The following TBC1D1 variants were observed in gnomAD, a reference collection of about 807,000 sequenced individuals.
TBC1D1 encodes TBC1 domain family member 1.
Under a neutral mutation model 125.6 loss-of-function variants are expected in TBC1D1, and 89 were observed. That is an observed-to-expected ratio of 0.71 (90% confidence interval 0.60 to 0.85). TBC1D1 has a LOEUF of 0.85. Among genes scored for constraint, TBC1D1 ranks in the 40% least tolerant of loss-of-function variants. TBC1D1 has a pLI of 0.00. For missense variants in TBC1D1, 1,377 were observed against 1,469.2 expected (o/e 0.94, Z 1.03); for synonymous variants, 565 against 564.1 (o/e 1.00, Z -0.02).
chr4:37,914,302 G>A (rs1719247395), intron 2 of TBC1D1, among the ~76,000 whole-genome samples: 1 of 152,150 alleles, frequency 6.6e-6, no homozygotes. Flanking sequence ...ACTCAACATG[G>A]CTAAAGTAGA....
chr4:37,938,628 C>T (rs916327313), intron 2 of TBC1D1, among the ~76,000 whole-genome samples: 7 of 152,026 alleles, frequency 4.6e-5, no homozygotes, highest in Admixed American at 3.9e-4. Flanking sequence ...GTGTGCTGCA[C>T]CCATTAACTC....
intron 15 of TBC1D1, chr4:38,110,074 C>A (rs1761964262): frequency 1.8e-5 from 5 of 277,546 alleles, no homozygotes; most frequent in Non-Finnish European, 2.7e-5. Flanking sequence ...GACTGAATAG[C>A]TTTGTGGGTG....
At chr4:38,110,369 A>G (rs1361018624) in intron 15 of TBC1D1, 1 of 985,202 alleles carries the variant, frequency 1.0e-6, no homozygotes, top group Non-Finnish European at 1.2e-6. Flanking sequence ...ACAAGCCCCC[A>G]GATGATCCTA....
At chr4:38,126,749 G>T (rs1248846419) in intron 18 of TBC1D1, among the ~76,000 whole-genome samples, 1 of 152,076 alleles carries the variant, frequency 6.6e-6, no homozygotes, top group East Asian at 1.9e-4. Context: ...AGTGCAGGCC[G>T]CACTCCTGAG....
chr4:38,097,780 C>T (rs959070531), intron 14 of TBC1D1, among the ~76,000 whole-genome samples: 2 of 152,208 alleles, frequency 1.3e-5, no homozygotes, highest in East Asian at 1.9e-4. Flanking sequence ...ACCCGGCCTG[C>T]ATATGCATTT....
chr4:37,905,829 T>C (rs1293077219), intron 2 of TBC1D1, among the ~76,000 whole-genome samples: 1 of 152,154 alleles, frequency 6.6e-6, no homozygotes, highest in Non-Finnish European at 1.5e-5. Flanking sequence ...GGTAAAACTA[T>C]GTTTCATCAC....
intron 2 of TBC1D1, among the ~76,000 whole-genome samples, chr4:37,970,956 G>A (rs531234687): frequency 6.6e-6 from 1 of 152,174 alleles, no homozygotes; most frequent in East Asian, 1.9e-4. Context: ...CCCCACTAGA[G>A]GGCAGCCTGC....
chr4:37,969,617 G>T (rs1731675799), intron 2 of TBC1D1, among the ~76,000 whole-genome samples: 1 of 152,162 alleles, frequency 6.6e-6, no homozygotes, highest in Non-Finnish European at 1.5e-5. Flanking sequence ...AAAGTGCTGG[G>T]ATTACAGGCA....
At chr4:38,110,448 T>C (rs1762018266) in intron 15 of TBC1D1, 2 of 985,432 alleles carry the variant, frequency 2.0e-6, no homozygotes, top group Non-Finnish European at 2.4e-6. Flanking sequence ...AAGGAAAAGA[T>C]TGATCCTGGA....
chr4:37,960,140 GTGTAA>G (rs1276112183), intron 2 of TBC1D1, among the ~76,000 whole-genome samples: 1 of 152,144 alleles, frequency 6.6e-6, no homozygotes, highest in African/African-American at 2.4e-5. Flanking sequence ...ATTTAACAAT[GTGTAA>G]GAGTTGGGTT....
chr4:38,111,457 T>C (rs1762187688), intron 15 of TBC1D1, among the ~76,000 whole-genome samples: 1 of 152,230 alleles, frequency 6.6e-6, no homozygotes, highest in African/African-American at 2.4e-5. Flanking sequence ...TATTTATTTT[T>C]ACATAGCTAT....
intron 8 of TBC1D1, among the ~76,000 whole-genome samples, chr4:38,036,142 A>T (rs1485748632): frequency 6.6e-6 from 1 of 152,222 alleles, no homozygotes; most frequent in Non-Finnish European, 1.5e-5. Context: ...GGCAAGCCTG[A>T]CTTATGTGCT....
At chr4:37,998,984 C>T (rs1000547022) in intron 2 of TBC1D1, among the ~76,000 whole-genome samples, 5 of 151,722 alleles carry the variant, frequency 3.3e-5, no homozygotes, top group Non-Finnish European at 7.4e-5. Flanking sequence ...CGGTGGCTCT[C>T]GCCTGTAATC....
chr4:37,991,712 T>G (rs763706877), intron 2 of TBC1D1, among the ~76,000 whole-genome samples: 14 of 151,732 alleles, frequency 9.2e-5, no homozygotes, highest in Non-Finnish European at 2.1e-4. Context: ...TTATCCCAAA[T>G]AAAAGCAAAT....
intron 2 of TBC1D1, among the ~76,000 whole-genome samples, chr4:37,992,929 C>G (rs1179103940): frequency 1.3e-5 from 2 of 151,762 alleles, no homozygotes; most frequent in Non-Finnish European, 2.9e-5. Context: ...CTTGGCCTCC[C>G]GAGTAGCCAG....
intron 2 of TBC1D1, among the ~76,000 whole-genome samples, chr4:38,010,236 A>G (rs1347184554): frequency 1.3e-5 from 2 of 152,206 alleles, no homozygotes; most frequent in African/African-American, 4.8e-5. Context: ...AGCTCCAGCC[A>G]GCTCTCTCAG....
chr4:37,898,831 C>G (rs1006080027), intron 1 of TBC1D1, among the ~76,000 whole-genome samples: 11 of 152,084 alleles, frequency 7.2e-5, no homozygotes, highest in African/African-American at 2.7e-4. Flanking sequence ...GGATTATATT[C>G]TGAGGAGAGA....
chr4:38,027,585 G>A (rs1021963484), intron 6 of TBC1D1, among the ~76,000 whole-genome samples: 1 of 151,950 alleles, frequency 6.6e-6, no homozygotes, highest in East Asian at 1.9e-4. Flanking sequence ...TCAGTGAGCC[G>A]TGATTGCACC....
At chr4:37,966,405 A>G (rs2152339271) in intron 2 of TBC1D1, among the ~76,000 whole-genome samples, 2 of 152,380 alleles carry the variant, frequency 1.3e-5, no homozygotes, top group Middle Eastern at 3.4e-3. Flanking sequence ...TGACTCAGAC[A>G]TCACTACTTA....
Sources: gnomAD v4.1 joint callset for allele counts (sites outside exome capture counted in the v4.1 genomes callset) on GRCh38, gnomAD v4.1.1 for gene constraint, MANE v1.5 for transcripts, NCBI Gene and HGNC (gene_info 2026-07-23, HGNC 2026-07-21) for gene names.